The following NCOA1 variants were observed in gnomAD, a reference collection of about 807,000 sequenced individuals.
NCOA1 encodes the protein Hin-2 protein.
A neutral mutation model predicts 150.9 loss-of-function variants in NCOA1; 35 were observed. The observed-to-expected ratio is 0.23, with a 90% CI of 0.18 to 0.31. The LOEUF (loss-of-function observed/expected upper bound fraction) is 0.31, where lower values mean the gene tolerates loss of function less well. Ranked by LOEUF, NCOA1 falls within the 10% of genes least tolerant of loss-of-function variation. The probability of loss-of-function intolerance (pLI) is 1.00; values close to 1 mark genes in which losing one functional copy is unlikely to be tolerated. For synonymous variants in NCOA1, 590 were observed against 630.0 expected (o/e 0.94, Z 0.95); for missense variants, 1,491 against 1,749.3 (o/e 0.85, Z 2.63).
intron 2 of NCOA1, among the ~76,000 whole-genome samples, chr2:24,568,471 T>G (rs1666602449): frequency 6.6e-6 from 1 of 152,218 alleles, no homozygotes; most frequent in Non-Finnish European, 1.5e-5. Flanking sequence ...TCATGCTACC[T>G]TGGGAGAATT....
intron 11 of NCOA1, among the ~76,000 whole-genome samples, chr2:24,704,225 A>G (rs1041944080): frequency 2.6e-5 from 4 of 152,200 alleles, no homozygotes; most frequent in Admixed American, 2.0e-4. Context: ...AACTTGTCAA[A>G]TGGGACCTTA....
At chr2:24,528,628 A>G (rs1192082006) in intron 1 of NCOA1, among the ~76,000 whole-genome samples, 3 of 152,038 alleles carry the variant, frequency 2.0e-5, no homozygotes, top group African/African-American at 7.2e-5. Flanking sequence ...GATTACAGGC[A>G]TGAGCCACCA....
intron 14 of NCOA1, among the ~76,000 whole-genome samples, chr2:24,713,706 A>G (rs1467007873): frequency 6.6e-6 from 1 of 152,212 alleles, no homozygotes; most frequent in Non-Finnish European, 1.5e-5. Flanking sequence ...GAAGCAAGTC[A>G]GGTGAGCTCT....
chr2:24,498,609 G>T (rs543463537), intron 1 of NCOA1, among the ~76,000 whole-genome samples: 10 of 152,160 alleles, frequency 6.6e-5, no homozygotes, highest in Non-Finnish European at 1.3e-4. Flanking sequence ...TGTTCAGGAA[G>T]ATTAAATAGC....
chr2:24,617,258 A>C (rs1360731516), intron 3 of NCOA1, among the ~76,000 whole-genome samples: 1 of 152,104 alleles, frequency 6.6e-6, no homozygotes, highest in African/African-American at 2.4e-5. Context: ...CAGACTCTTC[A>C]TTACCTTTGG....
intron 10 of NCOA1, 26 bp downstream of exon 10, chr2:24,693,373 TC>T (rs771100267): frequency 1.3e-6 from 2 of 1,561,452 alleles, no homozygotes; most frequent in Non-Finnish European, 1.8e-6. Context: ...TTCAGAATGT[TC>T]CATAGGTATT....
chr2:24,729,007 A>C (rs185692851), intron 16 of NCOA1, among the ~76,000 whole-genome samples: 52 of 152,370 alleles, frequency 3.4e-4, no homozygotes, highest in Admixed American at 9.8e-4. Context: ...GCACGCGCGC[A>C]ATTAGGTCAC....
chr2:24,665,926 A>G lies in NCOA1; in HGVS notation c.256+11A>G, dbSNP rs1251323838. The G allele has an allele frequency of 7.0e-7, 1 of 1,421,230 alleles. No homozygotes were observed. The highest frequency in any genetic ancestry group is 2.6e-5 in the Admixed American group (1 of 38,884). The allele number at this position is 1,421,230 out of a possible 1,614,324, so 88.0% of individuals were successfully genotyped here. The stretch of plus-strand genomic sequence containing the variant: ...AGAGAATGGAACAAGGTAAAAAAGA[A>G]AAAGAAAACCCATGGCTGTGTGCTT... On this transcript the variant is annotated intron_variant, in intron 6 of 22. Transcript: ENST00000348332.
chr2:24,637,442 A>G (rs1162440109), intron 3 of NCOA1, among the ~76,000 whole-genome samples: 3 of 151,688 alleles, frequency 2.0e-5, no homozygotes, highest in Non-Finnish European at 4.4e-5. Flanking sequence ...GAACCAACCC[A>G]AATGTCCAAC....
intron 6 of NCOA1, among the ~76,000 whole-genome samples, chr2:24,666,406 G>C (rs1387034465): frequency 6.6e-6 from 1 of 152,140 alleles, no homozygotes; most frequent in African/African-American, 2.4e-5. Flanking sequence ...AAGTGAACCT[G>C]AGAATCTTCT....
intron 3 of NCOA1, among the ~76,000 whole-genome samples, chr2:24,592,176 A>T (rs1667683466): frequency 6.6e-6 from 1 of 152,166 alleles, no homozygotes; most frequent in Admixed American, 6.6e-5. Flanking sequence ...TTTGAAAAAG[A>T]TTGGTAAGAA....
chr2:24,615,860 A>G (rs1212178791), intron 3 of NCOA1, among the ~76,000 whole-genome samples: 1 of 152,172 alleles, frequency 6.6e-6, no homozygotes, highest in Non-Finnish European at 1.5e-5. Context: ...TCCAGATAGG[A>G]GGAAAAGTAA....
intron 3 of NCOA1, among the ~76,000 whole-genome samples, chr2:24,586,921 C>T (rs1424860252): frequency 6.6e-6 from 1 of 152,130 alleles, no homozygotes; most frequent in African/African-American, 2.4e-5. Context: ...GTGTCACCCT[C>T]CCCCACTGTT....
chr2:24,528,332 T>C (rs1015878543), intron 1 of NCOA1, among the ~76,000 whole-genome samples: 3 of 146,110 alleles, frequency 2.1e-5, no homozygotes, highest in Non-Finnish European at 4.5e-5. Context: ...CAAATAAGGG[T>C]CCAATTTCAT....
chr2:24,614,135 C>T (rs1296655873), intron 3 of NCOA1, among the ~76,000 whole-genome samples: 1 of 145,274 alleles, frequency 6.9e-6, no homozygotes, highest in African/African-American at 2.5e-5. Context: ...TTCATATATG[C>T]CCCAGGAGTA....
chr2:24,683,618 G>A (rs553374206), intron 8 of NCOA1, among the ~76,000 whole-genome samples: 67 of 152,322 alleles, frequency 4.4e-4, no homozygotes, highest in African/African-American at 1.6e-3. Flanking sequence ...CTAATTTCTA[G>A]TGTCTGTTCT....
chr2:24,526,327 A>G (rs1462090496), intron 1 of NCOA1, among the ~76,000 whole-genome samples: 3 of 151,846 alleles, frequency 2.0e-5, no homozygotes, highest in Admixed American at 2.0e-4. Context: ...ATGTAAACCT[A>G]TAGGTTAATA....
intron 20 of NCOA1, among the ~76,000 whole-genome samples, chr2:24,756,673 G>A (rs1245070090): frequency 2.0e-5 from 3 of 152,102 alleles, no homozygotes; most frequent in Non-Finnish European, 4.4e-5. Context: ...TTAATATATA[G>A]TCATAAAATA....
chr2:24,690,650 T>TTAAAAAAAAAAAAAAAAAAAAAAAAA (rs1558289893), intron 8 of NCOA1, among the ~76,000 whole-genome samples: 4 of 5,672 alleles, frequency 7.1e-4, no homozygotes, highest in Non-Finnish European at 2.2e-3. Flanking sequence ...AGATTCCATC[T>TTAAAAAAAAAAAAAAAAAAAAAAAAA]CAAAAAAAAA....
Sources: gnomAD v4.1 joint callset for allele counts (sites outside exome capture counted in the v4.1 genomes callset) on GRCh38, gnomAD v4.1.1 for gene constraint, MANE v1.5 for transcripts, NCBI Gene and HGNC (gene_info 2026-07-23, HGNC 2026-07-21) for gene names.